CDYL: variants seen among roughly 807,000 people sequenced by gnomAD.
CDYL encodes chromodomain Y-like protein.
CDYL carries 8 observed loss-of-function variants against 47.3 expected under a neutral mutation model. The ratio of observed to expected loss-of-function variants is 0.17; its 90% CI spans 0.10 to 0.31. The LOEUF is 0.31. CDYL is among the 10% of genes least tolerant of loss of function. The pLI is 1.00. For missense variants in CDYL, 471 were observed against 701.4 expected (o/e 0.67, Z 3.71); for synonymous variants, 266 against 265.0 (o/e 1.00, Z -0.04).
chr6:4,937,630 C>T lies in CDYL; in HGVS notation c.1014C>T (p.Leu338=). 7 of 1,613,938 alleles carry T rather than the reference C, an allele frequency of 4.3e-6. No individual in the cohort carries two copies. Among genetic ancestry groups the T allele is most frequent in the East Asian group, 2.2e-5 (1 of 44,856 alleles). Residue 338 remains leucine, a synonymous_variant, in exon 4 of 7, where the codon CTC becomes CTT. Coordinates refer to ENST00000397588, the MANE Select transcript of CDYL (RefSeq NM_004824.4). ...CCGATGACAGCAAGCTGGTACTGCTCAGCGCCGTTGGCAGCGTCTTCTGTT... is the reference window on the plus strand; with the variant it reads ...CCGATGACAGCAAGCTGGTACTGCTTAGCGCCGTTGGCAGCGTCTTCTGTT... ...AAADDSKLVL[L]SAVGSVFCCG...
intron 1 of CDYL, among the ~76,000 whole-genome samples, chr6:4,883,602 G>C (rs1279908956): frequency 2.6e-5 from 4 of 152,200 alleles, no homozygotes; most frequent in Non-Finnish European, 5.9e-5. Flanking sequence ...CCACTGTCAG[G>C]CAGTTCTTCC....
intron 2 of CDYL, among the ~76,000 whole-genome samples, chr6:4,925,831 T>C (rs1757857530): frequency 6.6e-6 from 1 of 152,136 alleles, no homozygotes; most frequent in South Asian, 2.1e-4. Flanking sequence ...GCCCTGCCTG[T>C]GGTTTGCATG....
chr6:4,903,458 T>C (rs1757130566), intron 2 of CDYL, among the ~76,000 whole-genome samples: 1 of 152,244 alleles, frequency 6.6e-6, no homozygotes, highest in Non-Finnish European at 1.5e-5. Flanking sequence ...TGTCTTTTGA[T>C]AATTAGCATT....
At chr6:4,900,787 A>ATGTATG (rs1561697470) in intron 2 of CDYL, among the ~76,000 whole-genome samples, 2 of 47,084 alleles carry the variant, frequency 4.2e-5, no homozygotes, top group Non-Finnish European at 7.5e-5. Context: ...GTGTATATAT[A>ATGTATG]TATATATATA....
chr6:4,737,503 T>G (rs900480146), intron 3 of CDYL, among the ~76,000 whole-genome samples: 1 of 149,070 alleles, frequency 6.7e-6, no homozygotes, highest in Non-Finnish European at 1.5e-5. Flanking sequence ...AAATACAAAA[T>G]CAGCATGGTG....
At chr6:4,730,691 A>AC in intron 2 of CDYL, among the ~76,000 whole-genome samples, 1 of 150,942 alleles carries the variant, frequency 6.6e-6, no homozygotes, top group East Asian at 1.9e-4. Context: ...AAAAAAAAAA[A>AC]AAAAAAAAAG....
At chr6:4,817,615 G>A (rs1759710716) in intron 1 of CDYL, among the ~76,000 whole-genome samples, 1 of 152,182 alleles carries the variant, frequency 6.6e-6, no homozygotes, top group African/African-American at 2.4e-5. Context: ...TTTTAAGTCT[G>A]TAATTTACAT....
intron 3 of CDYL, among the ~76,000 whole-genome samples, chr6:4,758,351 A>AATAAATATATAT (rs1554134097): frequency 0.015 from 1,968 of 128,994 alleles, 22 homozygotes; most frequent in South Asian, 0.057. Flanking sequence ...AAAATAAATA[A>AATAAATATATAT]ATATATATAT....
At chr6:4,727,336 G>A (rs933765761) in intron 2 of CDYL, among the ~76,000 whole-genome samples, 7 of 152,172 alleles carry the variant, frequency 4.6e-5, no homozygotes, top group African/African-American at 1.7e-4. Flanking sequence ...GCTCATGGAT[G>A]TATGCAGAGG....
intron 2 of CDYL, among the ~76,000 whole-genome samples, chr6:4,934,260 C>T (rs1186915873): frequency 6.6e-6 from 1 of 152,074 alleles, no homozygotes; most frequent in Non-Finnish European, 1.5e-5. Flanking sequence ...GGGGGGCTTT[C>T]ACCTTAATAT....
chr6:4,926,208 T>C (rs1757869248), intron 2 of CDYL, among the ~76,000 whole-genome samples: 1 of 152,216 alleles, frequency 6.6e-6, no homozygotes, highest in South Asian at 2.1e-4. Flanking sequence ...AGCCTGCATT[T>C]ACTTCCATGT....
upstream of CDYL, chr6:4,776,398 T>C (rs935260166): frequency 3.5e-5 from 5 of 140,900 alleles, no homozygotes; most frequent in African/African-American, 1.3e-4. Context: ...CCGGGGCAGG[T>C]TTTTTGGTCG....
intron 3 of CDYL, among the ~76,000 whole-genome samples, chr6:4,743,650 T>C (rs1757835932): frequency 6.6e-6 from 1 of 152,216 alleles, no homozygotes; most frequent in East Asian, 1.9e-4. Flanking sequence ...CACTGCTCCA[T>C]GTCTGATCTT....
At chr6:4,730,036 C>G (rs1757578225) in intron 2 of CDYL, among the ~76,000 whole-genome samples, 1 of 152,054 alleles carries the variant, frequency 6.6e-6, no homozygotes, top group South Asian at 2.1e-4. Context: ...TCTGATGAGG[C>G]TTTGCTGGAG....
intron 1 of CDYL, among the ~76,000 whole-genome samples, chr6:4,830,684 T>C (rs1005178052): frequency 6.6e-6 from 1 of 151,970 alleles, no homozygotes; most frequent in African/African-American, 2.4e-5. Context: ...ACATGTGACA[T>C]GCTGGTGCAC....
At chr6:4,776,892 CG>C in intron 1 of CDYL, 85 bp downstream of exon 1, 2 of 545,588 alleles carry the variant, frequency 3.7e-6, no homozygotes, top group South Asian at 7.4e-5. Context: ...CCCCGCTCGC[CG>C]CCCGCGCCCG....
chr6:4,734,889 C>A, intron 3 of CDYL: 1 of 1,610,648 alleles, frequency 6.2e-7, no homozygotes, highest in Non-Finnish European at 8.5e-7. Context: ...GTCCATCTGG[C>A]AAGGAAGAGC....
chr6:4,713,696 T>G (rs901140601), intron 1 of CDYL, among the ~76,000 whole-genome samples: 4 of 151,714 alleles, frequency 2.6e-5, no homozygotes, highest in Non-Finnish European at 4.4e-5. Context: ...CAAGAAGTTC[T>G]CCTGTCTCAG....
chr6:4,876,668 A>G (rs1276412950), intron 1 of CDYL, among the ~76,000 whole-genome samples: 1 of 150,922 alleles, frequency 6.6e-6, no homozygotes, highest in East Asian at 1.9e-4. Context: ...TAGGGAGTAT[A>G]TGTTCAAATC....
Sources: allele counts gnomAD v4.1 joint callset (sites outside exome capture counted in the v4.1 genomes callset), GRCh38; gene constraint gnomAD v4.1.1; transcripts MANE v1.5; gene names NCBI Gene and HGNC (gene_info 2026-07-23, HGNC 2026-07-21).